Variants in FCHSD2 observed in about 807,000 individuals in gnomAD.
The protein encoded by FCHSD2 is FCH and double SH3 domains 2.
A neutral mutation model predicts 108.1 loss-of-function variants in FCHSD2; 38 were observed. The observed-to-expected ratio is 0.35, with a 90% CI of 0.27 to 0.46. FCHSD2 has a LOEUF of 0.46. Among genes scored for constraint, FCHSD2 ranks in the 20% least tolerant of loss-of-function variants. FCHSD2 has a pLI of 1.00. For missense variants in FCHSD2, 751 were observed against 897.8 expected (o/e 0.84, Z 2.09); for synonymous variants, 279 against 314.7 (o/e 0.89, Z 1.20).
chr11:73,083,870 T>C, intron 2 of FCHSD2, 130 bp from the exon 3 acceptor site: 1 of 673,328 alleles, frequency 1.5e-6, no homozygotes, highest in South Asian at 1.7e-5. Flanking sequence ...TTCATCTTTA[T>C]GTGCTTAGGA....
intron 13 of FCHSD2, among the ~76,000 whole-genome samples, chr11:72,866,142 C>T (rs553814604): frequency 1.2e-4 from 18 of 152,076 alleles, no homozygotes; most frequent in African/African-American, 4.3e-4. Flanking sequence ...TCAAGTGGGC[C>T]TGGAATTTGC....
intron 3 of FCHSD2, among the ~76,000 whole-genome samples, chr11:73,067,607 T>C (rs1258251331): frequency 6.6e-6 from 1 of 152,114 alleles, no homozygotes; most frequent in Non-Finnish European, 1.5e-5. Context: ...CCCTGAAGCA[T>C]TTATAAGACC....
intron 12 of FCHSD2, among the ~76,000 whole-genome samples, chr11:72,872,145 T>C (rs1854872599): frequency 2.0e-5 from 3 of 152,244 alleles, no homozygotes; most frequent in Middle Eastern, 3.4e-3. Flanking sequence ...ATTGGAATTT[T>C]TGGCTTAGAG....
chr11:72,934,110 G>GAAA (rs375464183), intron 8 of FCHSD2, among the ~76,000 whole-genome samples: 782 of 48,394 alleles, frequency 0.016, 7 homozygotes, highest in Middle Eastern at 0.021. Context: ...CACTGTCTCA[G>GAAA]AAAAAAAAAA....
At chr11:72,924,174 C>A (rs1471864733) in intron 8 of FCHSD2, among the ~76,000 whole-genome samples, 1 of 152,164 alleles carries the variant, frequency 6.6e-6, no homozygotes, top group Non-Finnish European at 1.5e-5. Context: ...CTTCTGGGTT[C>A]CAGTAATCCG....
At chr11:73,028,787 ATAGT>A (rs1858289720) in intron 3 of FCHSD2, among the ~76,000 whole-genome samples, 1 of 152,102 alleles carries the variant, frequency 6.6e-6, no homozygotes, top group African/African-American at 2.4e-5. Context: ...TGGTCTCATG[ATAGT>A]GAGTTCTCAT....
chr11:72,836,755 T>A lies in FCHSD2; in HGVS notation c.*2036A>T, dbSNP rs1387064656. 2 of 152,666 alleles carry A rather than the reference T, an allele frequency of 1.3e-5. No individual in the cohort carries two copies. Among genetic ancestry groups the A allele is most frequent in the Non-Finnish European group, 2.9e-5 (2 of 68,038 alleles). 9.5% of individuals were successfully genotyped at this position (152,666 alleles called of 1,614,324 possible). A position where few individuals can be genotyped will look rare whatever the true frequency, so the allele number is the denominator to read the frequency against. ...AAAACTTAGAAAACATAATTCCATT[T>A]TTTTTATTATTCAACATTTTATACA... is the stretch of plus-strand genomic sequence containing the variant. On this transcript the variant is annotated 3_prime_UTR_variant, in exon 20 of 20. Coordinates refer to ENST00000409418, the MANE Select transcript of FCHSD2 (RefSeq NM_014824.3).
At chr11:72,839,523 G>A (rs1325723157) in intron 19 of FCHSD2, among the ~76,000 whole-genome samples, 1 of 152,160 alleles carries the variant, frequency 6.6e-6, no homozygotes, top group Non-Finnish European at 1.5e-5. Flanking sequence ...GGCAGTAGGG[G>A]AAGTAGAGAA....
chr11:73,093,098 C>T (rs1279549065), intron 2 of FCHSD2, among the ~76,000 whole-genome samples: 10 of 152,168 alleles, frequency 6.6e-5, no homozygotes, highest in Non-Finnish European at 1.3e-4. Flanking sequence ...GCAATAAAAA[C>T]TGCATACCAA....
At chr11:72,859,037 T>C (rs915736483) in intron 13 of FCHSD2, among the ~76,000 whole-genome samples, 3 of 152,170 alleles carry the variant, frequency 2.0e-5, no homozygotes, top group Admixed American at 1.3e-4. Flanking sequence ...AGGCACATGA[T>C]GGTGACCTCC....
At chr11:73,078,382 A>G (rs1224792831) in intron 3 of FCHSD2, among the ~76,000 whole-genome samples, 1 of 152,194 alleles carries the variant, frequency 6.6e-6, no homozygotes, top group East Asian at 1.9e-4. Flanking sequence ...ACTTAAAGAC[A>G]CGTATAAAAC....
intron 8 of FCHSD2, among the ~76,000 whole-genome samples, chr11:72,981,816 A>C (rs1857220788): frequency 6.6e-6 from 1 of 152,194 alleles, no homozygotes; most frequent in African/African-American, 2.4e-5. Flanking sequence ...CCTCTGCGAA[A>C]ATAAAAATTA....
chr11:73,001,789 A>G (rs1412718180), intron 4 of FCHSD2, among the ~76,000 whole-genome samples: 1 of 152,194 alleles, frequency 6.6e-6, no homozygotes, highest in Admixed American at 6.5e-5. Context: ...TTAGCATCAC[A>G]CTGTGCTTTG....
intron 12 of FCHSD2, among the ~76,000 whole-genome samples, chr11:72,878,952 C>CA (rs113249286): frequency 0.025 from 3,728 of 151,516 alleles, 158 homozygotes; most frequent in African/African-American, 0.084. Context: ...ACTAAAAATA[C>CA]AAAAAAAATT....
At chr11:72,880,426 C>G (rs564586411) in intron 12 of FCHSD2, among the ~76,000 whole-genome samples, 62 of 152,068 alleles carry the variant, frequency 4.1e-4, no homozygotes, top group Non-Finnish European at 8.4e-4. Flanking sequence ...TGGAACAGAA[C>G]AGACATCCCA....
intron 3 of FCHSD2, among the ~76,000 whole-genome samples, chr11:73,055,650 T>C (rs1859008496): frequency 6.6e-6 from 1 of 152,180 alleles, no homozygotes; most frequent in Non-Finnish European, 1.5e-5. Flanking sequence ...GTTACAAATA[T>C]ATATATCACT....
chr11:73,121,693 G>A (rs1860738633), intron 2 of FCHSD2, among the ~76,000 whole-genome samples: 1 of 150,234 alleles, frequency 6.7e-6, no homozygotes, highest in African/African-American at 2.4e-5. Flanking sequence ...GATATTGTAA[G>A]GTAAGGTAAG....
chr11:72,954,496 G>A (rs1027486596), intron 8 of FCHSD2, among the ~76,000 whole-genome samples: 18 of 151,998 alleles, frequency 1.2e-4, no homozygotes, highest in African/African-American at 4.1e-4. Flanking sequence ...GTGAGCCACT[G>A]TGCCCAGCCA....
intron 3 of FCHSD2, among the ~76,000 whole-genome samples, chr11:73,037,939 G>T (rs1261567487): frequency 1.3e-5 from 2 of 152,008 alleles, no homozygotes; most frequent in African/African-American, 2.4e-5. Flanking sequence ...CTAAAGAGTG[G>T]GAAACTTATT....
Sources: gnomAD v4.1 joint callset for allele counts (sites outside exome capture counted in the v4.1 genomes callset) on GRCh38, gnomAD v4.1.1 for gene constraint, MANE v1.5 for transcripts, NCBI Gene and HGNC (gene_info 2026-07-23, HGNC 2026-07-21) for gene names.